The following MIPOL1 variants were observed in gnomAD, a reference collection of about 807,000 sequenced individuals.
MIPOL1 encodes the protein mirror-image polydactyly gene 1 protein.
A neutral mutation model predicts 60.9 loss-of-function variants in MIPOL1; 57 were observed. The observed-to-expected ratio is 0.94, with a 90% CI of 0.76 to 1.17. The LOEUF (loss-of-function observed/expected upper bound fraction) is 1.17, where lower values mean the gene tolerates loss of function less well. Ranked by LOEUF, MIPOL1 falls within the 50% of genes most tolerant of loss-of-function variation. The pLI, the probability that MIPOL1 is intolerant of heterozygous loss-of-function variation, is 0.00. For synonymous variants in MIPOL1, 179 were observed against 168.8 expected (o/e 1.06, Z -0.47); for missense variants, 551 against 511.6 (o/e 1.08, Z -0.74).
At chr14:37,407,332 C>T (rs1348789690) in intron 10 of MIPOL1, among the ~76,000 whole-genome samples, 1 of 152,134 alleles carries the variant, frequency 6.6e-6, no homozygotes, top group Non-Finnish European at 1.5e-5. Flanking sequence ...ACTTTAAACA[C>T]TGAGTGTTTA....
chr14:37,367,715 G>A, intron 9 of MIPOL1, among the ~76,000 whole-genome samples: 1 of 151,618 alleles, frequency 6.6e-6, no homozygotes, highest in Admixed American at 6.6e-5. Context: ...ATCCTTATAG[G>A]TCCTACTTAG....
At chr14:37,405,161 T>C (rs1053095535) in intron 10 of MIPOL1, among the ~76,000 whole-genome samples, 1 of 152,186 alleles carries the variant, frequency 6.6e-6, no homozygotes, top group Non-Finnish European at 1.5e-5. Flanking sequence ...CAAAAGCATT[T>C]TGAGTAGTTC....
intron 11 of MIPOL1, among the ~76,000 whole-genome samples, chr14:37,437,230 A>T (rs933664675): frequency 6.6e-6 from 1 of 152,104 alleles, no homozygotes; most frequent in Non-Finnish European, 1.5e-5. Context: ...TTGAATCACA[A>T]CTGAACAATA....
At chr14:37,526,266 CTA>C (rs897172952) in intron 12 of MIPOL1, among the ~76,000 whole-genome samples, 2 of 147,912 alleles carry the variant, frequency 1.4e-5, no homozygotes, top group Non-Finnish European at 3.0e-5. Flanking sequence ...CACAGAATGA[CTA>C]TTATTCCTGA....
intron 11 of MIPOL1, among the ~76,000 whole-genome samples, chr14:37,457,221 C>A (rs1012166814): frequency 1.3e-5 from 2 of 152,104 alleles, no homozygotes; most frequent in African/African-American, 4.8e-5. Context: ...AGGGACTTTA[C>A]CTACAAGTGG....
intron 9 of MIPOL1, among the ~76,000 whole-genome samples, chr14:37,320,933 T>C (rs751414414): frequency 1.8e-4 from 28 of 152,200 alleles, no homozygotes; most frequent in Middle Eastern, 3.4e-3. Context: ...TTCTGGACTC[T>C]GTTCTGTTCC....
At chr14:37,511,039 A>G (rs755638647) in intron 12 of MIPOL1, among the ~76,000 whole-genome samples, 4 of 152,188 alleles carry the variant, frequency 2.6e-5, no homozygotes, top group Non-Finnish European at 5.9e-5. Context: ...GAGACTATCT[A>G]CTATTGCTAT....
chr14:37,477,520 G>A (rs968409697), intron 11 of MIPOL1, among the ~76,000 whole-genome samples: 6 of 152,064 alleles, frequency 3.9e-5, no homozygotes, highest in South Asian at 2.1e-4. Context: ...TGTTCATAAC[G>A]TTTTTCTATT....
Position 37,359,150 on chromosome 14 carries a change from G to A in MIPOL1, c.829-10367G>A, listed in dbSNP as rs528862877. 2.1e-3 allele frequency among the ~76,000 whole-genome samples: 318 copies of A among 152,264 alleles called. 3 individuals are homozygous for A. Among genetic ancestry groups the A allele is most frequent in the African/African-American group, 7.1e-3 (294 of 41,538 alleles). On this transcript the variant is annotated intron_variant, in intron 9 of 12. Coordinates refer to ENST00000684589, the MANE Select transcript of MIPOL1 (RefSeq NM_001388067.1). ...TCGAAGACCAAATGGTTGTAGGTGT[G>A]TGGTGTTACTTCTGAGGCCTCTGTT...
chr14:37,396,070 GTTTT>G (rs553337707), intron 10 of MIPOL1, among the ~76,000 whole-genome samples: 1 of 146,934 alleles, frequency 6.8e-6, no homozygotes, highest in Non-Finnish European at 1.5e-5. Flanking sequence ...TGTGTACCTT[GTTTT>G]TTTTTTGTTT....
chr14:37,536,045 C>G (rs989553011), intron 12 of MIPOL1, among the ~76,000 whole-genome samples: 4 of 152,082 alleles, frequency 2.6e-5, no homozygotes, highest in Admixed American at 6.6e-5. Flanking sequence ...TCTGGGACCA[C>G]AGGCATGCAC....
chr14:37,231,665 A>T (rs1970652604), intron 1 of MIPOL1, among the ~76,000 whole-genome samples: 2 of 152,176 alleles, frequency 1.3e-5, no homozygotes, highest in Non-Finnish European at 2.9e-5. Context: ...AAGTAAGCTA[A>T]TGGAAATTTC....
intron 7 of MIPOL1, among the ~76,000 whole-genome samples, chr14:37,291,694 C>T (rs1161223273): frequency 6.6e-6 from 1 of 152,008 alleles, no homozygotes; most frequent in African/African-American, 2.4e-5. Context: ...GCTCACAGTT[C>T]TGGAGGCTTG....
intron 12 of MIPOL1, among the ~76,000 whole-genome samples, chr14:37,516,597 C>T (rs1055002518): frequency 3.3e-5 from 5 of 152,082 alleles, no homozygotes; most frequent in African/African-American, 9.7e-5. Flanking sequence ...TGCAAGGAGA[C>T]GTTGTTTAGT....
intron 1 of MIPOL1, chr14:37,227,912 A>G (rs1970001480): frequency 1.3e-5 from 2 of 152,298 alleles, no homozygotes; most frequent in South Asian, 4.1e-4. Flanking sequence ...CAAAATATAA[A>G]TAAGGCTAGG....
At chr14:37,339,616 A>G (rs1431629640) in intron 9 of MIPOL1, among the ~76,000 whole-genome samples, 2 of 152,210 alleles carry the variant, frequency 1.3e-5, no homozygotes, top group African/African-American at 4.8e-5. Context: ...ATGGAATACT[A>G]TTTAGCATGA....
intron 1 of MIPOL1, among the ~76,000 whole-genome samples, chr14:37,207,609 G>A (rs1246036282): frequency 2.0e-5 from 3 of 152,008 alleles, no homozygotes; most frequent in South Asian, 2.1e-4. Context: ...GCAGTGGCAC[G>A]ATCTTGGCTC....
intron 11 of MIPOL1, among the ~76,000 whole-genome samples, chr14:37,470,081 T>C (rs2094660711): frequency 6.6e-6 from 1 of 152,086 alleles, no homozygotes; most frequent in African/African-American, 2.4e-5. Context: ...ACTGAGTAGA[T>C]GGTGATGCCT....
At chr14:37,407,939 T>C (rs2093620133) in intron 10 of MIPOL1, among the ~76,000 whole-genome samples, 1 of 139,148 alleles carries the variant, frequency 7.2e-6, no homozygotes, top group Non-Finnish European at 1.5e-5. Context: ...AACCTGGAAC[T>C]CCAGGACTCA....
Sources: allele counts gnomAD v4.1 joint callset (sites outside exome capture counted in the v4.1 genomes callset), GRCh38; gene constraint gnomAD v4.1.1; transcripts MANE v1.5; gene names NCBI Gene and HGNC (gene_info 2026-07-23, HGNC 2026-07-21).